CD5: variants seen among roughly 807,000 people sequenced by gnomAD.
CD5 encodes the protein T-cell surface glycoprotein CD5.
A neutral mutation model predicts 60.3 loss-of-function variants in CD5; 36 were observed. The ratio of observed to expected loss-of-function variants is 0.60; its 90% CI spans 0.46 to 0.79. The LOEUF (loss-of-function observed/expected upper bound fraction) is 0.79, where lower values mean the gene tolerates loss of function less well. CD5 is among the 30% of genes least tolerant of loss of function. The pLI is 0.00. For synonymous variants in CD5, 230 were observed against 257.6 expected (o/e 0.89, Z 1.03); for missense variants, 540 against 630.6 (o/e 0.86, Z 1.54).
chr11:61,119,458 C>A lies in CD5; in HGVS notation c.688C>A (p.His230Asn). 1 of 1,614,210 alleles carries A rather than the reference C, an allele frequency of 6.2e-7. No homozygotes were observed. Residue 230 changes from histidine (H) to asparagine (N), a missense_variant, in exon 5 of 11, where the codon CAC becomes AAC. By Grantham distance (68) the His-to-Asn change is moderately conservative. Transcript: ENST00000347785. ...RAQDPGEPRE[H>N]QPLPIQWKIQ... is the part of the protein sequence containing the mutation. ...CCAAGACCCAGGGGAGCCACGGGAA[C>A]ACCAGCCCTTGCCAATCCAATGGAA...
upstream of CD5, among the ~76,000 whole-genome samples, chr11:61,101,684 C>A (rs1860691416): frequency 6.6e-6 from 1 of 150,638 alleles, no homozygotes; most frequent in African/African-American, 2.4e-5. Context: ...ACATGGCGAT[C>A]ACAATCACAC....
chr11:61,127,627 C>T lies in CD5; in HGVS notation c.*1342C>T, dbSNP rs1590778392. 2.6e-5 allele frequency: 4 copies of T among 152,314 alleles called. No individual in the cohort carries two copies. Among genetic ancestry groups the T allele is most frequent in the Admixed American group, 2.6e-4 (4 of 15,294 alleles). 9.4% of individuals were successfully genotyped at this position (152,314 alleles called of 1,614,324 possible). A position where few individuals can be genotyped will look rare whatever the true frequency, so the allele number is the denominator to read the frequency against. On this transcript the variant is annotated 3_prime_UTR_variant, in exon 11 of 11. Transcript: ENST00000347785. ...ATGCTGGGAATCCAGAAACAGGGAC[C>T]CCATTTGTCTTCCCATATCTGGTGG... is the stretch of plus-strand genomic sequence containing the variant.
At chr11:61,101,911 TACACACACACACACAC>T (rs35648034), upstream of CD5, among the ~76,000 whole-genome samples, 49 of 142,464 alleles carry the variant, frequency 3.4e-4, no homozygotes, top group East Asian at 2.1e-3. Flanking sequence ...TCTCTCTCTC[TACACACACACACACAC>T]ACACACACAC....
At chr11:61,114,058 C>G (rs1251932586) in intron 1 of CD5, among the ~76,000 whole-genome samples, 1 of 151,946 alleles carries the variant, frequency 6.6e-6, no homozygotes, top group African/African-American at 2.4e-5. Context: ...CATTGCAACC[C>G]CCAACACACA....
Position 61,116,724 on chromosome 11 carries a change from CACACCACACACACACCACAT to C in CD5, c.95-1431_95-1412del, listed in dbSNP as rs369493015. ...CCACACACACCACATGCACACTATACACACCACACACACACCACATACACCACACACACACCACACACACC... is the reference window on the plus strand; with the variant it reads ...CCACACACACCACATGCACACTATACACACCACACACACACCACACACACC... On this transcript the variant is annotated intron_variant, in intron 2 of 10. Coordinates refer to ENST00000347785, the MANE Select transcript of CD5 (RefSeq NM_014207.4). Among the ~76,000 whole-genome samples the C allele has an allele frequency of 2.6e-3, 135 of 52,864 alleles. 3 individuals carry two copies. Among genetic ancestry groups the C allele is most frequent in the African/African-American group, 7.7e-3 (127 of 16,440 alleles). The allele number at this position is 52,864 out of a possible 152,430, so 34.7% of individuals were successfully genotyped here. A position where few individuals can be genotyped will look rare whatever the true frequency, so the allele number is the denominator to read the frequency against.
At chr11:61,098,422 T>C (rs1860610585), upstream of CD5, among the ~76,000 whole-genome samples, 1 of 152,160 alleles carries the variant, frequency 6.6e-6, no homozygotes, top group South Asian at 2.1e-4. Context: ...CATACTGTCT[T>C]ATGCCCAATT....
the CD5 span, among the ~76,000 whole-genome samples, chr11:61,096,676 CA>C: frequency 6.6e-6 from 1 of 152,150 alleles, no homozygotes; most frequent in South Asian, 2.1e-4. Flanking sequence ...CTAAAGTTAC[CA>C]GCAACAGGAG....
rs1350550768 is a variant in CD5, at chr11:61,123,866, T to G, written c.1226-18T>G. 2 of 1,421,828 alleles carry G rather than the reference T, an allele frequency of 1.4e-6. No homozygotes were observed. Among genetic ancestry groups the G allele is most frequent in the Non-Finnish European group, 1.9e-6 (2 of 1,060,562 alleles). The allele number at this position is 1,421,828 out of a possible 1,614,324, so 88.1% of individuals were successfully genotyped here. ...CTGCCCCCACCACTCTGATGTGCCT[T>G]TCTTGTCTCTTGCCCAGTCCGCCAG... On this transcript the variant is annotated intron_variant, in intron 7 of 10. Transcript: ENST00000347785.
In CD5 at chr11:61,102,494, A is replaced by C; in HGVS notation, c.-67A>C. 1 of 1,221,636 alleles carries C rather than the reference A, an allele frequency of 8.2e-7. No homozygotes were observed. The highest frequency in any genetic ancestry group is 1.2e-6 in the Non-Finnish European group (1 of 858,234). 75.7% of individuals were successfully genotyped at this position (1,221,636 alleles called of 1,614,324 possible). A position where few individuals can be genotyped will look rare whatever the true frequency, so the allele number is the denominator to read the frequency against. ...CCCTCTCCCTCTCTGAGAGCGAGAT[A>C]CCCGGCCAGACACCCTCACCTGCGG... On this transcript the variant is annotated 5_prime_UTR_variant, in exon 1 of 11. Coordinates refer to ENST00000347785, the MANE Select transcript of CD5 (RefSeq NM_014207.4).
In CD5 at chr11:61,127,086, C is replaced by T. The variant is rs141572645; in HGVS notation, c.*801C>T. The T allele has an allele frequency of 6.6e-6, 1 of 152,368 alleles. No individual in the cohort carries two copies. The highest frequency in any genetic ancestry group is 2.4e-5 in the African/African-American group (1 of 41,572). The allele number at this position is 152,368 out of a possible 1,614,324, so 9.4% of individuals were successfully genotyped here. A position where few individuals can be genotyped will look rare whatever the true frequency, so the allele number is the denominator to read the frequency against. On this transcript the variant is annotated 3_prime_UTR_variant, in exon 11 of 11. Coordinates refer to ENST00000347785, the MANE Select transcript of CD5 (RefSeq NM_014207.4). ...TTTGCTTCACCCAGCAATTAAAAGT[C>T]CCAAGCTGAGGTAGTTTCAGTCCAT...
intron 2 of CD5, among the ~76,000 whole-genome samples, chr11:61,116,608 A>C (rs1292457407): frequency 5.5e-5 from 2 of 36,204 alleles, no homozygotes; most frequent in Admixed American, 3.1e-4. Context: ...ACCACACACC[A>C]CACACATACC....
chr11:61,116,613 CAT>C (rs1275055253), intron 2 of CD5, among the ~76,000 whole-genome samples: 6 of 113,906 alleles, frequency 5.3e-5, no homozygotes, highest in Non-Finnish European at 7.4e-5. Context: ...ACACCACACA[CAT>C]ACCACACACA....
At chr11:61,100,602 T>TCA (rs142930647), upstream of CD5, among the ~76,000 whole-genome samples, 1,672 of 23,790 alleles carry the variant, frequency 0.07, 415 homozygotes, top group East Asian at 0.33. Flanking sequence ...AACATGGAGA[T>TCA]CACACACACA....
intron 1 of CD5, among the ~76,000 whole-genome samples, chr11:61,105,398 C>T (rs1209283637): frequency 6.6e-6 from 1 of 152,232 alleles, no homozygotes; most frequent in East Asian, 1.9e-4. Flanking sequence ...GTTCTGTAAG[C>T]CTCAGTTTTC....
intron 7 of CD5, among the ~76,000 whole-genome samples, chr11:61,123,290 A>G (rs1049301706): frequency 2.6e-5 from 4 of 152,188 alleles, no homozygotes; most frequent in Admixed American, 6.5e-5. Context: ...GTCAGAGAGA[A>G]GGTGTGGCCA....
In CD5 at chr11:61,121,913, G is replaced by A; in HGVS notation, c.1099+9G>A. On this transcript the variant is annotated intron_variant, in intron 6 of 10. Transcript: ENST00000347785. ...GAAGGTGTTTGTCACATGTGAGTTG[G>A]CCACAGCCCACAGTGGGTGGAAGCA... 1 of 1,524,940 alleles carries A rather than the reference G, an allele frequency of 6.6e-7. No homozygotes were observed. The highest frequency in any genetic ancestry group is 1.3e-5 in the South Asian group (1 of 78,338). The allele number at this position is 1,524,940 out of a possible 1,614,324, so 94.5% of individuals were successfully genotyped here. A position where few individuals can be genotyped will look rare whatever the true frequency, so the allele number is the denominator to read the frequency against.
At chr11:61,107,531 C>T (rs941081672) in intron 1 of CD5, among the ~76,000 whole-genome samples, 3 of 152,206 alleles carry the variant, frequency 2.0e-5, no homozygotes, top group Admixed American at 6.5e-5. Context: ...CAGCACCCTG[C>T]GTTCAACACA....
rs1041412934 is a variant in CD5, at chr11:61,126,688, G to GT, written c.*404dup. The GT allele has an allele frequency of 1.4e-4, 22 of 152,318 alleles. No homozygotes were observed. The highest frequency in any genetic ancestry group is 4.6e-4 in the African/African-American group (19 of 41,450). The allele number at this position is 152,318 out of a possible 1,614,324, so 9.4% of individuals were successfully genotyped here. On this transcript the variant is annotated 3_prime_UTR_variant, in exon 11 of 11. Transcript: ENST00000347785. ...GCGAGTGCATTTTGAATAGTTTTTT[G>GT]TAAGTAGTGCTTTTCCTCCTTCCTG...
rs1467196049 is a variant in CD5, at chr11:61,127,366, A to T, written c.*1081A>T. On this transcript the variant is annotated 3_prime_UTR_variant, in exon 11 of 11. Coordinates refer to ENST00000347785, the MANE Select transcript of CD5 (RefSeq NM_014207.4). ...TAAGAAGGTGAAGCAACATGGGAAC[A>T]CATCCTAAGACAGGTCCTTTCTCCA... is the stretch of plus-strand genomic sequence containing the variant. 6.6e-6 allele frequency: 1 copy of T among 152,236 alleles called. No individual in the cohort carries two copies. Among genetic ancestry groups the T allele is most frequent in the Non-Finnish European group, 1.5e-5 (1 of 68,076 alleles). The allele number at this position is 152,236 out of a possible 1,614,324, so 9.4% of individuals were successfully genotyped here.
Sources: allele counts gnomAD v4.1 joint callset (sites outside exome capture counted in the v4.1 genomes callset), GRCh38; gene constraint gnomAD v4.1.1; transcripts MANE v1.5; gene names NCBI Gene and HGNC (gene_info 2026-07-23, HGNC 2026-07-21).